SPIB: variants seen among roughly 807,000 people sequenced by gnomAD.
The protein encoded by SPIB is transcription factor Spi-B.
Under a neutral mutation model 31.9 loss-of-function variants are expected in SPIB, and 7 were observed. That is an observed-to-expected ratio of 0.22 (90% CI 0.12 to 0.41). The LOEUF (loss-of-function observed/expected upper bound fraction) is 0.41. Among genes scored for constraint, SPIB ranks in the 10% least tolerant of loss-of-function variants. The pLI is 1.00. For missense variants in SPIB, 327 were observed against 360.2 expected, an observed-to-expected ratio of 0.91 and a Z score of 0.75; for synonymous variants, 176 against 158.9, an observed-to-expected ratio of 1.11 and a Z score of -0.81.
intron 3 of SPIB, 65 bp downstream of exon 3, chr19:50,422,610 G>A: frequency 1.9e-6 from 3 of 1,552,592 alleles, no homozygotes; most frequent in Non-Finnish European, 2.7e-6. Context: ...GGGAGCTGAG[G>A]CCCAGGGGAG....
At chr19:50,423,981 G>A (rs1248961867) in intron 5 of SPIB, among the ~76,000 whole-genome samples, 1 of 152,118 alleles carries the variant, frequency 6.6e-6, no homozygotes, top group Non-Finnish European at 1.5e-5. Flanking sequence ...CCCTCCTGAG[G>A]TCGTTGGGGG....
At chr19:50,423,803 G>C (rs777594389) in intron 5 of SPIB, 48 bp downstream of exon 5, 3 of 1,559,712 alleles carry the variant, frequency 1.9e-6, no homozygotes, top group Non-Finnish European at 1.7e-6. Context: ...GGAGATGGTG[G>C]GGGGGCTGAG....
intron 4 of SPIB, 167 bp downstream of exon 4, chr19:50,423,204 C>CAAACAAAA: frequency 3.5e-6 from 1 of 284,330 alleles, no homozygotes; most frequent in Non-Finnish European, 6.0e-6. Flanking sequence ...GACCCTGTCT[C>CAAACAAAA]AAAAAAAAAA....
At chr19:50,424,011 T>C (rs1036996530) in intron 5 of SPIB, among the ~76,000 whole-genome samples, 1 of 152,004 alleles carries the variant, frequency 6.6e-6, no homozygotes, top group Non-Finnish European at 1.5e-5. Context: ...GGATAGTAAG[T>C]GTAAATGGGA....
rs1374658848 is a variant in SPIB, at chr19:50,428,167, T to A, written c.620T>A (p.Leu207His). The part of the protein sequence containing the change: ...VFQFSSKHKE[L>H]LARRWGQQKG... ...CAGTTCTCCTCCAAGCACAAGGAAC[T>A]CCTGGCGCGCCGCTGGGGCCAGCAG... The change falls in exon 6 of 6, where the codon CTC becomes CAC. Residue 207 changes from leucine (L) to histidine (H), a missense_variant. Transcript: ENST00000595883. The surrounding 1 kb of genome is among the most constrained non-coding windows in gnomAD (Gnocchi z 6.5). The A allele has an allele frequency of 1.3e-6, 2 of 1,590,088 alleles. No homozygotes were observed. The highest frequency in any genetic ancestry group is 1.8e-5 in the Admixed American group (1 of 56,346).
chr19:50,423,571 C>G, intron 4 of SPIB, 34 bp from the exon 5 acceptor site: 1 of 1,603,414 alleles, frequency 6.2e-7, no homozygotes, highest in Non-Finnish European at 8.5e-7. Flanking sequence ...GACAAGGGGT[C>G]CCTGGACATG....
intron 5 of SPIB, among the ~76,000 whole-genome samples, chr19:50,425,822 G>A (rs757605166): frequency 6.3e-4 from 96 of 152,190 alleles, no homozygotes; most frequent in African/African-American, 2.0e-3. Flanking sequence ...GTCAGGGAGC[G>A]CAGGCAGGGA....
chr19:50,423,203 TCA>T, intron 4 of SPIB, 166 bp downstream of exon 4: 2 of 226,228 alleles, frequency 8.8e-6, no homozygotes, highest in Non-Finnish European at 1.6e-5. Flanking sequence ...AGACCCTGTC[TCA>T]AAAAAAAAAA....
At chr19:50,426,288 G>C (rs1006496271) in intron 5 of SPIB, among the ~76,000 whole-genome samples, 1 of 152,064 alleles carries the variant, frequency 6.6e-6, no homozygotes, top group African/African-American at 2.4e-5. Context: ...GTGCCTGAGA[G>C]GGGGTCACTG....
intron 1 of SPIB, among the ~76,000 whole-genome samples, chr19:50,419,500 C>G (rs894648061): frequency 1.3e-5 from 2 of 152,134 alleles, no homozygotes; most frequent in African/African-American, 2.4e-5. Flanking sequence ...CTTTGCACAC[C>G]TTTCTCTGTG....
chr19:50,419,480 G>A (rs770303820), intron 1 of SPIB, among the ~76,000 whole-genome samples: 13 of 152,100 alleles, frequency 8.5e-5, no homozygotes, highest in Non-Finnish European at 1.9e-4. Flanking sequence ...GCCTCTGTGC[G>A]TGAATGTCCC....
chr19:50,430,046 C>A lies in SPIB; in HGVS notation c.*1710C>A, dbSNP rs1246002485. Reference sequence around the variant, plus strand: ...CAGCAGACCATTCAAAATAGGGAGACTTTGCATAATCCAGATTTCTGCCTT... The same window carrying A: ...CAGCAGACCATTCAAAATAGGGAGAATTTGCATAATCCAGATTTCTGCCTT... On this transcript the variant is annotated 3_prime_UTR_variant, in exon 6 of 6. Transcript: ENST00000595883. The A allele has an allele frequency of 6.6e-6, 1 of 152,044 alleles. No homozygotes were observed. The allele number at this position is 152,044 out of a possible 1,614,324, so 9.4% of individuals were successfully genotyped here. A position where few individuals can be genotyped will look rare whatever the true frequency, so the allele number is the denominator to read the frequency against.
chr19:50,419,854 G>A (rs1245579699), intron 1 of SPIB, 92 bp from the exon 2 acceptor site: 4 of 1,369,058 alleles, frequency 2.9e-6, no homozygotes, highest in African/African-American at 3.1e-5. Context: ...GGTGGTCACA[G>A]CTGCTGCCGC....
intron 2 of SPIB, among the ~76,000 whole-genome samples, chr19:50,420,944 T>C (rs2039486939): frequency 1.3e-5 from 2 of 152,184 alleles, no homozygotes; most frequent in Admixed American, 1.3e-4. Context: ...TTTTGAACTT[T>C]ATGTAAAGTG....
At position 50,428,578 on chromosome 19, in the gene SPIB, C is replaced by A; in HGVS notation, c.*242C>A. ...TTGTCATGTACAGACTCCCTGGGAT[C>A]CTCATGTTTTGGGTGACAGGACCTA... On this transcript the variant is annotated 3_prime_UTR_variant, in exon 6 of 6. Coordinates refer to ENST00000595883, the MANE Select transcript of SPIB (RefSeq NM_003121.5). This position sits in a 1 kb window ranked among gnomAD's most constrained non-coding sequence, Gnocchi z 6.5. 2.1e-6 allele frequency: 1 copy of A among 471,462 alleles called. No individual in the cohort carries two copies. The allele number at this position is 471,462 out of a possible 1,614,324, so 29.2% of individuals were successfully genotyped here.
At chr19:50,422,583 GC>G in intron 3 of SPIB, 38 bp downstream of exon 3, 1 of 1,604,890 alleles carries the variant, frequency 6.2e-7, no homozygotes. Context: ...CTGCCTTGGG[GC>G]CCATTTCACA....
In SPIB at chr19:50,428,638, T is replaced by G. The variant is rs1137891; in HGVS notation, c.*302T>G. On this transcript the variant is annotated 3_prime_UTR_variant, in exon 6 of 6. Transcript: ENST00000595883. This position sits in a 1 kb window ranked among gnomAD's most constrained non-coding sequence, Gnocchi z 6.5. Reference sequence around the variant, plus strand: ...ATACTCGGGGAGGCAGGGTAGCAGTTCTTCCAGAATCCCAAGAGCTTCTCT... The same window carrying G: ...ATACTCGGGGAGGCAGGGTAGCAGTGCTTCCAGAATCCCAAGAGCTTCTCT... The G allele has an allele frequency of 0.04, 15,152 of 374,176 alleles. 2,020 individuals carry two copies. The highest frequency in any genetic ancestry group is 0.28 in the African/African-American group (13,654 of 48,142). The allele number at this position is 374,176 out of a possible 1,614,324, so 23.2% of individuals were successfully genotyped here. A position where few individuals can be genotyped will look rare whatever the true frequency, so the allele number is the denominator to read the frequency against.
At chr19:50,427,979 T>A (rs1056756581) in intron 5 of SPIB, 59 bp from the exon 6 acceptor site, 140 of 1,435,200 alleles carry the variant, frequency 9.8e-5, no homozygotes, top group Non-Finnish European at 1.0e-4. Flanking sequence ...GGAGGGTGGA[T>A]GGGGAAGGCG....
In SPIB at chr19:50,430,742, C is replaced by CA. The variant is rs546542748; in HGVS notation, c.*2418dup. The CA allele has an allele frequency of 0.055, 7,822 of 141,952 alleles. 273 individuals carry two copies. The highest frequency in any genetic ancestry group is 0.084 in the Non-Finnish European group (5,436 of 64,672). The allele number at this position is 141,952 out of a possible 1,614,324, so 8.8% of individuals were successfully genotyped here. On this transcript the variant is annotated 3_prime_UTR_variant, in exon 6 of 6. Transcript: ENST00000595883. ...GGGCGACAAGAGCGAAACTCCGTCTCAAAAAAAAAAAACTGTTGCAGCCCC... is the reference window on the plus strand; with the variant it reads ...GGGCGACAAGAGCGAAACTCCGTCTCAAAAAAAAAAAAACTGTTGCAGCCCC...
Sources: allele counts gnomAD v4.1 joint callset (sites outside exome capture counted in the v4.1 genomes callset), GRCh38; gene constraint gnomAD v4.1.1; non-coding constraint Gnocchi (gnomAD v3.1); transcripts MANE v1.5; gene names NCBI Gene and HGNC (gene_info 2026-07-23, HGNC 2026-07-21).